Variants in TPGS2 observed in about 807,000 individuals in gnomAD.
The protein encoded by TPGS2 is tubulin polyglutamylase complex subunit 2, also known as polyglutamylase subunit 2.
Under a neutral mutation model 31.1 loss-of-function variants are expected in TPGS2, and 26 were observed. That is an observed-to-expected ratio of 0.84 (90% confidence interval 0.61 to 1.16). The LOEUF is 1.16. Among genes scored for constraint, TPGS2 ranks in the 50% most tolerant of loss-of-function variants. TPGS2 has a pLI of 0.00. For missense variants in TPGS2, 351 were observed against 363.8 expected, an observed-to-expected ratio of 0.96 and a Z score of 0.29; for synonymous variants, 130 against 136.6, an observed-to-expected ratio of 0.95 and a Z score of 0.34.
At chr18:36,815,552 C>G (rs1025457324) in intron 2 of TPGS2, among the ~76,000 whole-genome samples, 1 of 152,256 alleles carries the variant, frequency 6.6e-6, no homozygotes, top group South Asian at 2.1e-4. Context: ...ACCCTCCACC[C>G]ACACACATAA....
At chr18:36,823,092 A>G (rs1278234274) in intron 1 of TPGS2, among the ~76,000 whole-genome samples, 1 of 152,232 alleles carries the variant, frequency 6.6e-6, no homozygotes, top group Non-Finnish European at 1.5e-5. Context: ...GCTTTAAACA[A>G]CACCCTTTTA....
At position 36,795,331 on chromosome 18, in the gene TPGS2, G is replaced by A. The variant is rs372880605; in HGVS notation, c.*1474C>T. On this transcript the variant is annotated 3_prime_UTR_variant, in exon 7 of 7. Transcript: ENST00000334295. ...AAGGAAGGAAGTCTGGCCAATCACCGGGGTAGAGAGAAGTCAGGAAAGAGA... is the reference window on the plus strand; with the variant it reads ...AAGGAAGGAAGTCTGGCCAATCACCAGGGTAGAGAGAAGTCAGGAAAGAGA... 1.0e-5 allele frequency: 10 copies of A among 985,400 alleles called. No homozygotes were observed. The highest frequency in any genetic ancestry group is 7.0e-5 in the African/African-American group (4 of 57,238). 61.0% of individuals were successfully genotyped at this position (985,400 alleles called of 1,614,324 possible).
intron 2 of TPGS2, among the ~76,000 whole-genome samples, chr18:36,815,815 C>G (rs549774320): frequency 3.6e-4 from 55 of 152,128 alleles, no homozygotes; most frequent in African/African-American, 1.1e-3. Flanking sequence ...GATCCTAATA[C>G]TGTTAGTATC....
intron 1 of TPGS2, among the ~76,000 whole-genome samples, chr18:36,821,453 G>A (rs1568031109): frequency 6.6e-6 from 1 of 152,154 alleles, no homozygotes; most frequent in Non-Finnish European, 1.5e-5. Flanking sequence ...GTTTTGAGAT[G>A]ATTTGTTATC....
intron 3 of TPGS2, 102 bp from the exon 4 acceptor site, chr18:36,805,604 G>A (rs528000520): frequency 1.3e-5 from 19 of 1,495,146 alleles, no homozygotes; most frequent in African/African-American, 1.1e-4. Context: ...GTATTGTTTC[G>A]CCCCATGGCT....
At position 36,828,666 on chromosome 18, in the gene TPGS2, G is replaced by C; in HGVS notation, c.85+17C>G. ...TTCTCCTCCACACCCTCTCGGCACC[G>C]TGCCCCCTTTCCTCACCTAGGATGC... On this transcript the variant is annotated intron_variant, in intron 1 of 6. Coordinates refer to ENST00000334295, the MANE Select transcript of TPGS2 (RefSeq NM_015476.4). The C allele has an allele frequency of 6.2e-7, 1 of 1,613,570 alleles. No homozygotes were observed. Among genetic ancestry groups the C allele is most frequent in the African/African-American group, 1.3e-5 (1 of 75,004 alleles).
At chr18:36,807,627 T>A in intron 3 of TPGS2, 1 of 561,962 alleles carries the variant, frequency 1.8e-6, no homozygotes, top group Non-Finnish European at 3.1e-6. Context: ...AAATTGAACT[T>A]CCAGTTCCAT....
In TPGS2 at chr18:36,800,213, T is replaced by C. The variant is rs748459803; in HGVS notation, c.481A>G (p.Lys161Glu). The change falls in exon 5 of 7, where the codon AAA (lysine) becomes GAA (glutamate). Residue 161 changes from lysine (K) to glutamate (E), a missense_variant. Coordinates refer to ENST00000334295, the MANE Select transcript of TPGS2 (RefSeq NM_015476.4). The stretch of plus-strand genomic sequence containing the variant: ...CAATTCTTACCTGGTTTCCCACTTT[T>C]GTAGACAAGGCAAACTTTCCCACTG... ...NGSGKVCLVY[K>E]SGKPALAEDT... 3 of 1,614,010 alleles carry C rather than the reference T, an allele frequency of 1.9e-6. No individual in the cohort carries two copies. The African/African-American group carries it at 4.0e-5, about 22-fold the overall frequency.
chr18:36,781,730 A>C, downstream of TPGS2: 1 of 982,450 alleles, frequency 1.0e-6, no homozygotes, highest in African/African-American at 1.7e-5. Flanking sequence ...TTGCTTAAAA[A>C]GCCAAAGACT....
intron 4 of TPGS2, 111 bp downstream of exon 4, chr18:36,805,263 G>C (rs936940368): frequency 3.2e-6 from 4 of 1,259,280 alleles, no homozygotes; most frequent in African/African-American, 1.5e-5. Context: ...TGTTGAGTGA[G>C]GTTTAATCTT....
intron 1 of TPGS2, among the ~76,000 whole-genome samples, chr18:36,821,757 A>C (rs2045904314): frequency 6.6e-6 from 1 of 152,224 alleles, no homozygotes; most frequent in South Asian, 2.1e-4. Context: ...AGTGATAGAA[A>C]ACATCAGAAA....
At chr18:36,814,998 G>A (rs2089140760) in intron 2 of TPGS2, among the ~76,000 whole-genome samples, 1 of 152,242 alleles carries the variant, frequency 6.6e-6, no homozygotes, top group Non-Finnish European at 1.5e-5. Flanking sequence ...TAGCCCAAAA[G>A]GGCAAAGGGC....
In TPGS2 at chr18:36,796,871, G is replaced by C; in HGVS notation, c.837C>G (p.Pro279=). The part of the protein sequence containing the change: ...PAGGQKGPSG[P]SGPSTSSTSK... The stretch of plus-strand genomic sequence containing the variant: ...AAGTGGAGGAAGTGGAGGGACCGGA[G>C]GGTCCTGAGGGCCCTTTCTGGCCAC... The change falls in exon 7 of 7, where the codon CCC becomes CCG. Residue 279 remains proline (P), a synonymous_variant. Coordinates refer to ENST00000334295, the MANE Select transcript of TPGS2 (RefSeq NM_015476.4). The C allele has an allele frequency of 6.2e-7, 1 of 1,610,232 alleles. No homozygotes were observed.
At chr18:36,780,828 G>A (rs904291242), downstream of TPGS2, among the ~76,000 whole-genome samples, 15 of 152,192 alleles carry the variant, frequency 9.9e-5, no homozygotes, top group Admixed American at 6.5e-4. Flanking sequence ...AATGGAGCTT[G>A]CAGGACTGGA....
chr18:36,789,806 T>C (rs1213583493), downstream of TPGS2: 1 of 152,276 alleles, frequency 6.6e-6, no homozygotes, highest in Non-Finnish European at 1.5e-5. Flanking sequence ...CTGCTGATTT[T>C]ATAAGGGGGT....
In TPGS2 at chr18:36,828,754, G is replaced by A. The variant is rs1044965787; in HGVS notation, c.14C>T (p.Ala5Val). The A allele has an allele frequency of 2.5e-6, 4 of 1,613,816 alleles. No individual in the cohort carries two copies. The African/African-American group carries it at 4.0e-5, about 16-fold the overall frequency. ...GCTGCAGCCCAGCCCCGGGGACGAT[G>A]CCTCCTCCTCCATGGCTCGCGACCG... Reference protein sequence around the residue: MEEEASSPGLGCSKP... With the variant: MEEEVSSPGLGCSKP... The change falls in exon 1 of 7, where the codon GCA (alanine) becomes GTA (valine). Residue 5 changes from alanine to valine, a missense_variant. By Grantham distance (64) the Ala-to-Val change is moderately conservative. Transcript: ENST00000334295.
At chr18:36,806,528 C>T (rs2045141467) in intron 3 of TPGS2, among the ~76,000 whole-genome samples, 1 of 152,096 alleles carries the variant, frequency 6.6e-6, no homozygotes, top group Non-Finnish European at 1.5e-5. Flanking sequence ...AAGATAAAAG[C>T]TAATGTTCAA....
Position 36,794,879 on chromosome 18 carries a change from AC to A in TPGS2, c.*1925del, listed in dbSNP as rs2044453931. The A allele has an allele frequency of 1.0e-6, 1 of 971,424 alleles. No individual in the cohort carries two copies. Among genetic ancestry groups the A allele is most frequent in the Admixed American group, 6.7e-5 (1 of 14,920 alleles). 60.2% of individuals were successfully genotyped at this position (971,424 alleles called of 1,614,324 possible). A position where few individuals can be genotyped will look rare whatever the true frequency, so the allele number is the denominator to read the frequency against. On this transcript the variant is annotated 3_prime_UTR_variant, in exon 7 of 7. Transcript: ENST00000334295. ...CACACACACACACACACACACACACACACGTTTAAATGACCACACTGAATTA... is the reference window on the plus strand; with the variant it reads ...CACACACACACACACACACACACACAACGTTTAAATGACCACACTGAATTA...
intron 2 of TPGS2, among the ~76,000 whole-genome samples, chr18:36,813,494 C>T (rs1450821465): frequency 6.6e-6 from 1 of 152,220 alleles, no homozygotes; most frequent in African/African-American, 2.4e-5. Flanking sequence ...CCACTGGATC[C>T]ACCCTGTCAC....
Sources: allele counts gnomAD v4.1 joint callset (sites outside exome capture counted in the v4.1 genomes callset), GRCh38; gene constraint gnomAD v4.1.1; transcripts MANE v1.5; gene names NCBI Gene and HGNC (gene_info 2026-07-23, HGNC 2026-07-21).